Variants in FYB2 observed in about 807,000 individuals in gnomAD.
FYB2 encodes the protein FYN-binding protein 2.
FYB2 carries 103 observed loss-of-function variants against 94.1 expected under a neutral mutation model. That is an observed-to-expected ratio of 1.09 (90% CI 0.93 to 1.29). FYB2 has a LOEUF of 1.29. Among genes scored for constraint, FYB2 ranks in the 50% most tolerant of loss-of-function variants. The pLI is 0.00. For synonymous variants in FYB2, 293 were observed against 287.9 expected (o/e 1.02, Z -0.18); for missense variants, 896 against 841.5 (o/e 1.06, Z -0.80).
chr1:56,801,525 G>T (rs765692828), intron 1 of FYB2, among the ~76,000 whole-genome samples: 1 of 152,094 alleles, frequency 6.6e-6, no homozygotes, highest in Non-Finnish European at 1.5e-5. Flanking sequence ...CATTTCTGAT[G>T]ATCTCATCTT....
intron 17 of FYB2, among the ~76,000 whole-genome samples, chr1:56,722,863 C>A (rs35373570): frequency 0.33 from 50,027 of 151,802 alleles, 8,499 homozygotes; most frequent in Admixed American, 0.48. Context: ...GAGGAGGATG[C>A]ACACTTTGTC....
chr1:56,759,678 G>T (rs1392525460), intron 5 of FYB2, among the ~76,000 whole-genome samples: 1 of 152,100 alleles, frequency 6.6e-6, no homozygotes, highest in Non-Finnish European at 1.5e-5. Context: ...CTCCTACATA[G>T]GGTGTTTCAG....
chr1:56,746,821 G>C (rs1645077812), intron 9 of FYB2, among the ~76,000 whole-genome samples: 1 of 151,964 alleles, frequency 6.6e-6, no homozygotes, highest in African/African-American at 2.4e-5. Context: ...CATAAGTACT[G>C]AATTGCTAGG....
At chr1:56,743,186 T>C (rs1018945854) in intron 11 of FYB2, among the ~76,000 whole-genome samples, 1 of 152,092 alleles carries the variant, frequency 6.6e-6, no homozygotes, top group Non-Finnish European at 1.5e-5. Flanking sequence ...AAATTTTGTA[T>C]CCTTTGACCA....
intron 9 of FYB2, 42 bp from the exon 10 acceptor site, chr1:56,744,308 G>T (rs1189474253): frequency 6.9e-7 from 1 of 1,449,582 alleles, no homozygotes; most frequent in Non-Finnish European, 9.6e-7. Context: ...CACATCAGCT[G>T]CCATCATAAA....
At chr1:56,793,992 C>A (rs1428257259) in intron 1 of FYB2, among the ~76,000 whole-genome samples, 2 of 152,134 alleles carry the variant, frequency 1.3e-5, no homozygotes, top group Non-Finnish European at 2.9e-5. Context: ...AGTTGTCAAA[C>A]AGTAGCAGTA....
chr1:56,770,294 C>G (rs1016226313), intron 4 of FYB2, among the ~76,000 whole-genome samples: 5 of 152,162 alleles, frequency 3.3e-5, no homozygotes, highest in African/African-American at 9.7e-5. Flanking sequence ...CACACCTCCA[C>G]TCTTCCCTGT....
chr1:56,757,773 CT>C lies in FYB2; in HGVS notation c.1098+942del, dbSNP rs550971752. Among the ~76,000 whole-genome samples, 328 of 87,240 alleles carry C rather than the reference CT, an allele frequency of 3.8e-3. 1 individual carries two copies. The highest frequency in any genetic ancestry group is 8.7e-3 in the African/African-American group (202 of 23,256). 57.2% of individuals were successfully genotyped at this position (87,240 alleles called of 152,430 possible). Reference sequence around the variant, plus strand: ...TTCTTTCTTTTCATTCTTTCTTTTTCTTTTTTTTTTGATACAGGGTCTCAGT... The same window carrying C: ...TTCTTTCTTTTCATTCTTTCTTTTTCTTTTTTTTTGATACAGGGTCTCAGT... On this transcript the variant is annotated intron_variant, in intron 6 of 19. Coordinates refer to ENST00000343433, the MANE Select transcript of FYB2 (RefSeq NM_001004303.5).
rs566261724 is a variant in FYB2 at position 56,765,414 on chromosome 1, C to A, written c.1063+2415G>T. 2.6e-5 allele frequency among the ~76,000 whole-genome samples: 4 copies of A among 152,286 alleles called. No individual in the cohort carries two copies. In the South Asian group the frequency reaches 6.2e-4, roughly 24 times the overall value. ...ATTACCACCTGGCAGGGGTGGAAAT[C>A]CCAGCTCCCTACTTGACCTTCTCTG... On this transcript the variant is annotated intron_variant, in intron 5 of 19. Coordinates refer to ENST00000343433, the MANE Select transcript of FYB2 (RefSeq NM_001004303.5).
the FYB2 span, chr1:56,824,834 G>A: frequency 6.6e-6 from 1 of 152,422 alleles, no homozygotes; most frequent in African/African-American, 2.4e-5. Context: ...GAGGTGGGAT[G>A]TGGCAGGCCC....
intron 4 of FYB2, among the ~76,000 whole-genome samples, chr1:56,777,908 C>A (rs1645919298): frequency 2.0e-5 from 3 of 152,098 alleles, no homozygotes; most frequent in Non-Finnish European, 4.4e-5. Flanking sequence ...TAATTCAGAC[C>A]TTGTCACAAT....
At chr1:56,776,790 C>T (rs1468873984) in intron 4 of FYB2, among the ~76,000 whole-genome samples, 4 of 152,160 alleles carry the variant, frequency 2.6e-5, no homozygotes, top group Admixed American at 6.5e-5. Flanking sequence ...TACAGACAAA[C>T]ACTGCTATTA....
intron 15 of FYB2, among the ~76,000 whole-genome samples, chr1:56,731,473 C>T (rs1348916939): frequency 6.6e-6 from 1 of 152,118 alleles, no homozygotes; most frequent in Non-Finnish European, 1.5e-5. Context: ...AGCCACTGCA[C>T]CTGGCCAACT....
chr1:56,799,734 C>G (rs74073571), intron 1 of FYB2, among the ~76,000 whole-genome samples: 4,924 of 152,190 alleles, frequency 0.032, 251 homozygotes, highest in African/African-American at 0.11. Context: ...AAGCATGGCA[C>G]AGACAGTTAT....
chr1:56,803,050 AT>A (rs1646557645), intron 1 of FYB2, among the ~76,000 whole-genome samples: 1 of 152,120 alleles, frequency 6.6e-6, no homozygotes, highest in Non-Finnish European at 1.5e-5. Flanking sequence ...ATTCTCTGAG[AT>A]TTAGTTTCAG....
chr1:56,811,513 A>C (rs1224926100), intron 1 of FYB2, among the ~76,000 whole-genome samples: 1 of 152,148 alleles, frequency 6.6e-6, no homozygotes, highest in East Asian at 1.9e-4. Flanking sequence ...TTTGTCAACA[A>C]CCCAGCCATT....
At chr1:56,740,128 C>T (rs1306582060) in intron 13 of FYB2, among the ~76,000 whole-genome samples, 1 of 152,022 alleles carries the variant, frequency 6.6e-6, no homozygotes, top group East Asian at 1.9e-4. Flanking sequence ...CAGGTCCCCT[C>T]ACATCTCTTT....
the FYB2 span, chr1:56,824,832 A>T: frequency 2.0e-5 from 3 of 152,264 alleles, no homozygotes; most frequent in Admixed American, 2.0e-4. Context: ...GGGAGGTGGG[A>T]TGTGGCAGGC....
In FYB2 at chr1:56,723,666, A is replaced by C. The variant is rs1359660051; in HGVS notation, c.1896T>G (p.Asn632Lys). Residue 632 changes from asparagine (N) to lysine (K), a missense_variant, in exon 17 of 20, where the codon AAT (asparagine) becomes AAG (lysine). Transcript: ENST00000343433. ...AEESESFSPR[N>K]FFKTKKQNLE... ...AGTTTTGCTTCTTGGTTTTGAAGAAATTTCTAGGAGAGAAACTAGCAAGAA... is the reference window on the plus strand; with the variant it reads ...AGTTTTGCTTCTTGGTTTTGAAGAACTTTCTAGGAGAGAAACTAGCAAGAA... The C allele has an allele frequency of 6.4e-7, 1 of 1,557,666 alleles. No homozygotes were observed. The highest frequency in any genetic ancestry group is 1.1e-5 in the South Asian group (1 of 87,816).
Sources: allele counts gnomAD v4.1 joint callset (sites outside exome capture counted in the v4.1 genomes callset), GRCh38; gene constraint gnomAD v4.1.1; transcripts MANE v1.5; gene names NCBI Gene and HGNC (gene_info 2026-07-23, HGNC 2026-07-21).